Variants in ARFGEF1 observed in about 807,000 individuals in gnomAD.
The protein encoded by ARFGEF1 is ARF guanine nucleotide exchange factor 1, also known as brefeldin A-inhibited guanine nucleotide-exchange protein 1.
In ARFGEF1, 42 loss-of-function variants were observed where a neutral mutation model predicts 231.0. That is an observed-to-expected ratio of 0.18 (90% confidence interval 0.14 to 0.24). The LOEUF is 0.24. ARFGEF1 is among the 10% of genes least tolerant of loss of function. The pLI is 1.00. For missense variants in ARFGEF1, 1,345 were observed against 2,192.0 expected (o/e 0.61, Z 7.72); for synonymous variants, 710 against 732.3 (o/e 0.97, Z 0.49).
intron 1 of ARFGEF1, among the ~76,000 whole-genome samples, chr8:67,335,426 T>A (rs1808300441): frequency 6.6e-6 from 1 of 152,050 alleles, no homozygotes; most frequent in South Asian, 2.1e-4. Context: ...TAAATTTTAT[T>A]GTTGTAGTTA....
intron 35 of ARFGEF1, 130 bp from the exon 36 acceptor site, chr8:67,203,381 A>G (rs1587028009): frequency 9.6e-7 from 1 of 1,045,856 alleles, no homozygotes; most frequent in East Asian, 2.5e-5. Context: ...AACCTAACAG[A>G]AAGTAAGGGA....
intron 22 of ARFGEF1, among the ~76,000 whole-genome samples, chr8:67,234,616 G>A (rs1431874431): frequency 1.3e-5 from 2 of 152,074 alleles, no homozygotes; most frequent in African/African-American, 2.4e-5. Flanking sequence ...ACAGCAGTAG[G>A]AGATAAAGCT....
intron 5 of ARFGEF1, among the ~76,000 whole-genome samples, chr8:67,192,589 T>C (rs1836676806): frequency 6.6e-6 from 1 of 151,776 alleles, no homozygotes; most frequent in African/African-American, 2.4e-5. Context: ...GGTGTCTTAA[T>C]TAAGAAACCA....
chr8:67,340,240 C>T (rs1167834092), intron 1 of ARFGEF1, among the ~76,000 whole-genome samples: 1 of 152,214 alleles, frequency 6.6e-6, no homozygotes, highest in Non-Finnish European at 1.5e-5. Context: ...CTCCCTTCAG[C>T]TGTATGCTCA....
chr8:67,331,256 C>T (rs977959848), intron 1 of ARFGEF1, among the ~76,000 whole-genome samples: 3 of 151,802 alleles, frequency 2.0e-5, no homozygotes, highest in South Asian at 2.1e-4. Context: ...TATTATATAC[C>T]CTGCTATGGT....
chr8:67,288,670 T>C (rs573234014), intron 6 of ARFGEF1, among the ~76,000 whole-genome samples: 5 of 151,990 alleles, frequency 3.3e-5, no homozygotes, highest in Admixed American at 6.6e-5. Context: ...GAGGTAGAGG[T>C]TGCAATGAGC....
In ARFGEF1 at chr8:67,225,072, A is replaced by C. The variant is rs1411019238; in HGVS notation, c.4078-39T>G. 3 of 1,561,632 alleles carry C rather than the reference A, an allele frequency of 1.9e-6. No individual in the cohort carries two copies. In the South Asian group the frequency reaches 3.7e-5, roughly 19 times the overall value. On this transcript the variant is annotated intron_variant, in intron 28 of 38. Transcript: ENST00000262215. ...GGTAGGGTTATTAAAGGCAAAACAT[A>C]ACACCCATACATTCAGTATACTAAC...
intron 32 of ARFGEF1, 115 bp downstream of exon 32, chr8:67,217,667 A>C: frequency 1.8e-6 from 2 of 1,137,164 alleles, no homozygotes; most frequent in Non-Finnish European, 2.5e-6. Context: ...AGACAAGCTT[A>C]AAAGGATTTC....
At chr8:67,274,894 T>A (rs1479975952) in intron 9 of ARFGEF1, among the ~76,000 whole-genome samples, 1 of 152,142 alleles carries the variant, frequency 6.6e-6, no homozygotes, top group East Asian at 1.9e-4. Context: ...GTCGATTTTT[T>A]AATGAGATTT....
At chr8:67,270,719 A>C in intron 10 of ARFGEF1, among the ~76,000 whole-genome samples, 1 of 150,272 alleles carries the variant, frequency 6.7e-6, no homozygotes, top group Admixed American at 6.6e-5. Flanking sequence ...CACCTTAAAA[A>C]AAAAAAAAAA....
chr8:67,175,630 G>T, intron 5 of ARFGEF1: 1 of 705,956 alleles, frequency 1.4e-6, no homozygotes, highest in Non-Finnish European at 2.6e-6. Flanking sequence ...CCACTAGGGT[G>T]GTGTATTCAT....
downstream of ARFGEF1, chr8:67,195,340 C>A: frequency 7.6e-7 from 1 of 1,314,278 alleles, no homozygotes; most frequent in Non-Finnish European, 1.1e-6. Flanking sequence ...CTCCTGCCTG[C>A]CACCTGTGTT....
chr8:67,318,498 G>A (rs942583775), intron 1 of ARFGEF1, among the ~76,000 whole-genome samples: 2 of 152,086 alleles, frequency 1.3e-5, no homozygotes, highest in African/African-American at 2.4e-5. Flanking sequence ...ATATAGGTTA[G>A]AGAGAAATAC....
chr8:67,177,697 C>T, intron 5 of ARFGEF1: 1 of 1,611,304 alleles, frequency 6.2e-7, no homozygotes, highest in Non-Finnish European at 8.5e-7. Context: ...AGATGCCATC[C>T]CAAGTGCTAA....
At chr8:67,276,594 G>T (rs755571976) in intron 8 of ARFGEF1, among the ~76,000 whole-genome samples, 121 of 152,044 alleles carry the variant, frequency 8.0e-4, no homozygotes, top group Non-Finnish European at 1.4e-3. Context: ...TACCTAAAAA[G>T]GCAGATCTTT....
intron 6 of ARFGEF1, 65 bp downstream of exon 6, chr8:67,291,782 C>A: frequency 1.3e-6 from 2 of 1,537,686 alleles, no homozygotes; most frequent in South Asian, 2.5e-5. Flanking sequence ...ATTTCTTCAT[C>A]AAAACTCTCA....
chr8:67,179,495 CTT>C (rs762771257), intron 5 of ARFGEF1, among the ~76,000 whole-genome samples: 11 of 152,188 alleles, frequency 7.2e-5, no homozygotes, highest in Non-Finnish European at 1.2e-4. Flanking sequence ...GGCTTAAAGA[CTT>C]AATGTTTAAT....
At chr8:67,269,414 G>A (rs138628801) in intron 10 of ARFGEF1, among the ~76,000 whole-genome samples, 1,883 of 148,078 alleles carry the variant, frequency 0.013, 60 homozygotes, top group South Asian at 0.048. Flanking sequence ...GTGCAATGGC[G>A]CGATCTTAGC....
rs1259762884 is a variant in ARFGEF1 at position 67,201,676 on chromosome 8, G to A, written c.5129-71C>T. Reference sequence around the variant, plus strand: ...ATGTAAAGGTGAAACAGCCCGTATGGAGGCACATTTTGTTTGTGCTCAGCC... The same window carrying A: ...ATGTAAAGGTGAAACAGCCCGTATGAAGGCACATTTTGTTTGTGCTCAGCC... On this transcript the variant is annotated intron_variant, in intron 36 of 38. Coordinates refer to ENST00000262215, the MANE Select transcript of ARFGEF1 (RefSeq NM_006421.5). The A allele has an allele frequency of 4.4e-6, 7 of 1,588,406 alleles. No individual in the cohort carries two copies. In the South Asian group the frequency reaches 5.7e-5, roughly 13 times the overall value.
Sources: allele counts gnomAD v4.1 joint callset (sites outside exome capture counted in the v4.1 genomes callset), GRCh38; gene constraint gnomAD v4.1.1; transcripts MANE v1.5; gene names NCBI Gene and HGNC (gene_info 2026-07-23, HGNC 2026-07-21).